TSEN2: variants seen among roughly 807,000 people sequenced by gnomAD.
TSEN2 encodes tRNA-splicing endonuclease subunit Sen2.
Under a neutral mutation model 59.2 loss-of-function variants are expected in TSEN2, and 54 were observed. That is an observed-to-expected ratio of 0.91 (90% CI 0.73 to 1.14). The LOEUF is 1.14. Among genes scored for constraint, TSEN2 ranks in the 50% most tolerant of loss-of-function variants. TSEN2 has a pLI of 0.00. For missense variants in TSEN2, 636 were observed against 576.2 expected, an observed-to-expected ratio of 1.10 and a Z score of -1.06; for synonymous variants, 195 against 198.2, an observed-to-expected ratio of 0.98 and a Z score of 0.14.
At chr3:12,539,284 C>T (rs1254267649) in exon 11 of TSEN2, 1 of 351,286 alleles carries the variant, frequency 2.8e-6, no homozygotes, top group East Asian at 9.2e-5. Flanking sequence ...CAGGCACGCA[C>T]CACCACACAC....
At chr3:12,536,976 C>T (rs2057686632), downstream of TSEN2, among the ~76,000 whole-genome samples, 1 of 150,434 alleles carries the variant, frequency 6.6e-6, no homozygotes, top group Admixed American at 6.7e-5. Context: ...TGCACTCCAG[C>T]CTGGGCAACA....
chr3:12,507,246 C>G (rs1220673052), intron 6 of TSEN2, among the ~76,000 whole-genome samples: 2 of 152,072 alleles, frequency 1.3e-5, no homozygotes, highest in Non-Finnish European at 2.9e-5. Flanking sequence ...TCGGTTGCAC[C>G]AGCCACGTCT....
In TSEN2 at chr3:12,516,641, TTAAG is replaced by T. The variant is rs1249285249; in HGVS notation, c.943_946del (p.Ser315PhefsTer8). The T allele has an allele frequency of 6.2e-7, 1 of 1,613,950 alleles. No individual in the cohort carries two copies. The highest frequency in any genetic ancestry group is 1.7e-5 in the Admixed American group (1 of 60,002). On this transcript the variant is annotated frameshift_variant, in exon 7 of 12. Coordinates refer to ENST00000284995, the MANE Select transcript of TSEN2 (RefSeq NM_025265.4). LOFTEE classifies it high-confidence loss of function. ...TTTCTTGGTCTATGCTCTGGGATGT[TTAAG>T]TATTTACTATGAGAAGGTAAGATGC...
chr3:12,508,362 A>G (rs190836580), intron 6 of TSEN2, among the ~76,000 whole-genome samples: 26 of 152,372 alleles, frequency 1.7e-4, no homozygotes, highest in African/African-American at 5.0e-4. Context: ...GATGTGTTCC[A>G]GAAGTTTTCA....
At chr3:12,524,868 A>G (rs146741228) in intron 8 of TSEN2, among the ~76,000 whole-genome samples, 4 of 150,744 alleles carry the variant, frequency 2.7e-5, no homozygotes, top group South Asian at 2.1e-4. Flanking sequence ...TCAGCCTCCT[A>G]AGTAGCTGGG....
At chr3:12,516,503 G>A (rs923816839) in intron 6 of TSEN2, 108 bp from the exon 7 acceptor site, 1 of 855,294 alleles carries the variant, frequency 1.2e-6, no homozygotes, top group Non-Finnish European at 1.9e-6. Context: ...TTTTGATGAT[G>A]ACTTAAGAGC....
intron 1 of TSEN2, among the ~76,000 whole-genome samples, chr3:12,489,231 C>G (rs1013613347): frequency 2.6e-5 from 4 of 152,156 alleles, no homozygotes; most frequent in Non-Finnish European, 5.9e-5. Context: ...TAAATAACTG[C>G]TGCTGTCATT....
At chr3:12,523,526 C>CTTTTTTTTTTTTTTTTTTTTTTATTTTT (rs2056828478) in intron 8 of TSEN2, among the ~76,000 whole-genome samples, 1 of 46,480 alleles carries the variant, frequency 2.2e-5, no homozygotes, top group Admixed American at 2.7e-4. Flanking sequence ...CTCTTTGATT[C>CTTTTTTTTTTTTTTTTTTTTTTATTTTT]TTTTTTTTTT....
At chr3:12,505,043 T>C (rs2054666590) in intron 5 of TSEN2, 111 bp from the exon 6 acceptor site, 1 of 747,012 alleles carries the variant, frequency 1.3e-6, no homozygotes, top group Non-Finnish European at 2.4e-6. Flanking sequence ...ATTAACACAA[T>C]AGAATGTGAA....
At position 12,531,623 on chromosome 3, in the gene TSEN2, G is replaced by A. The variant is rs1413153364; in HGVS notation, c.1302G>A (p.Met434Ile). The change falls in exon 11 of 12, where the codon ATG becomes ATA. Residue 434 changes from methionine to isoleucine, a missense_variant. Transcript: ENST00000284995. The part of the protein sequence containing the change: ...IKPSTMTDKE[M>I]ESPECMKRIK... ...CCTCTACTATGACTGACAAGGAAAT[G>A]GAGTCACCAGAATGTATGAAAAGGA... 1 of 1,612,878 alleles carries A rather than the reference G, an allele frequency of 6.2e-7. No homozygotes were observed. Among genetic ancestry groups the A allele is most frequent in the Admixed American group, 1.7e-5 (1 of 60,022 alleles).
upstream of TSEN2, among the ~76,000 whole-genome samples, chr3:12,481,621 A>G (rs935820749): frequency 2.0e-5 from 3 of 152,202 alleles, no homozygotes; most frequent in South Asian, 6.2e-4. Context: ...GGTGTGTTAG[A>G]TAAGCCTCCT....
rs560567660 is a variant in TSEN2 at position 12,517,952 on chromosome 3, C to T, written c.961-1107C>T. 7.2e-5 allele frequency among the ~76,000 whole-genome samples: 11 copies of T among 152,050 alleles called. No homozygotes were observed. The South Asian group carries it at 1.9e-3, about 26-fold the overall frequency. ...AGGAACAACTGCAAAAAAAAAACAACTCTAGTCTATTGTATTATAATCTTA... is the reference window on the plus strand; with the variant it reads ...AGGAACAACTGCAAAAAAAAAACAATTCTAGTCTATTGTATTATAATCTTA... On this transcript the variant is annotated intron_variant, in intron 7 of 11. Coordinates refer to ENST00000284995, the MANE Select transcript of TSEN2 (RefSeq NM_025265.4).
At chr3:12,522,667 C>T (rs552722689) in intron 8 of TSEN2, among the ~76,000 whole-genome samples, 1 of 152,324 alleles carries the variant, frequency 6.6e-6, no homozygotes, top group African/African-American at 2.4e-5. Context: ...ATTGTTTTTC[C>T]TTAGAGAGCT....
intron 8 of TSEN2, among the ~76,000 whole-genome samples, chr3:12,526,778 G>A (rs1366378699): frequency 6.6e-6 from 1 of 152,220 alleles, no homozygotes; most frequent in Non-Finnish European, 1.5e-5. Flanking sequence ...GGGTCCATCT[G>A]CTGCCAGTGT....
At chr3:12,490,551 A>T (rs76992909) in intron 2 of TSEN2, among the ~76,000 whole-genome samples, 7,667 of 152,188 alleles carry the variant, frequency 0.05, 369 homozygotes, top group African/African-American at 0.12. Flanking sequence ...TTTAAAAAAA[A>T]TTTTCCATAA....
intron 3 of TSEN2, among the ~76,000 whole-genome samples, chr3:12,495,753 G>GA (rs2053686035): frequency 6.6e-6 from 1 of 152,206 alleles, no homozygotes; most frequent in African/African-American, 2.4e-5. Context: ...AATGCATGCA[G>GA]ACGAGGCTGA....
intron 7 of TSEN2, 54 bp downstream of exon 7, chr3:12,516,715 C>T (rs756698565): frequency 6.7e-7 from 1 of 1,498,386 alleles, no homozygotes; most frequent in Non-Finnish European, 9.3e-7. Context: ...TTGTTAAAAG[C>T]AGGTTGTACT....
At chr3:12,505,445 C>A in intron 6 of TSEN2, 1 of 539,452 alleles carries the variant, frequency 1.9e-6, no homozygotes, top group Admixed American at 3.2e-5. Context: ...TGCAATCATT[C>A]CACAGAAGAT....
intron 6 of TSEN2, among the ~76,000 whole-genome samples, chr3:12,508,940 A>C (rs2055128868): frequency 6.6e-6 from 1 of 152,150 alleles, no homozygotes; most frequent in African/African-American, 2.4e-5. Context: ...AGCTCACTGA[A>C]GCCTCATACT....
Sources: allele counts gnomAD v4.1 joint callset (sites outside exome capture counted in the v4.1 genomes callset), GRCh38; gene constraint gnomAD v4.1.1; transcripts MANE v1.5; gene names NCBI Gene and HGNC (gene_info 2026-07-23, HGNC 2026-07-21).